Variants in SLC24A2 observed in about 807,000 individuals in gnomAD.
The protein encoded by SLC24A2 is sodium/potassium/calcium exchanger 2.
A neutral mutation model predicts 62.0 loss-of-function variants in SLC24A2; 36 were observed. The observed-to-expected ratio is 0.58, with a 90% CI of 0.44 to 0.77. The LOEUF (loss-of-function observed/expected upper bound fraction) is 0.77, where lower values mean the gene tolerates loss of function less well. Among genes scored for constraint, SLC24A2 ranks in the 30% least tolerant of loss-of-function variants. SLC24A2 has a pLI of 0.00. For synonymous variants in SLC24A2, 358 were observed against 294.0 expected (o/e 1.22, Z -2.23); for missense variants, 846 against 817.9 (o/e 1.03, Z -0.42).
At chr9:20,105,996 TA>T in the SLC24A2 span, among the ~76,000 whole-genome samples, 5 of 152,022 alleles carry the variant, frequency 3.3e-5, no homozygotes, top group Admixed American at 3.3e-4. Flanking sequence ...ATAGACGCAA[TA>T]AAAAATGATA....
chr9:19,947,855 G>A, the SLC24A2 span, among the ~76,000 whole-genome samples: 3 of 105,722 alleles, frequency 2.8e-5, no homozygotes, highest in East Asian at 8.7e-4. Context: ...AAAGAAATTA[G>A]TTCAATGTAT....
the SLC24A2 span, among the ~76,000 whole-genome samples, chr9:19,945,409 T>C: frequency 6.6e-6 from 1 of 152,100 alleles, no homozygotes; most frequent in East Asian, 1.9e-4. Context: ...TAAAAACAAT[T>C]ACCCAGTTCC....
At chr9:20,108,746 T>C in the SLC24A2 span, among the ~76,000 whole-genome samples, 16,857 of 151,640 alleles carry the variant, frequency 0.11, 996 homozygotes, top group Middle Eastern at 0.17. Flanking sequence ...ATACCTAATG[T>C]TAAATGATGA....
At chr9:19,965,895 T>C in the SLC24A2 span, among the ~76,000 whole-genome samples, 14 of 152,260 alleles carry the variant, frequency 9.2e-5, no homozygotes, top group African/African-American at 2.9e-4. Context: ...AAACTATGAG[T>C]AAAGACATAT....
At chr9:20,017,416 A>G in the SLC24A2 span, among the ~76,000 whole-genome samples, 1 of 152,174 alleles carries the variant, frequency 6.6e-6, no homozygotes, top group Non-Finnish European at 1.5e-5. Context: ...TTTATCATAT[A>G]TTATTAAGTT....
the SLC24A2 span, among the ~76,000 whole-genome samples, chr9:19,861,277 G>C: frequency 2.6e-5 from 4 of 152,148 alleles, no homozygotes; most frequent in Non-Finnish European, 4.4e-5. Flanking sequence ...AGTAAGAGAA[G>C]AAAACAAAAG....
the SLC24A2 span, among the ~76,000 whole-genome samples, chr9:20,049,809 T>G: frequency 1.3e-5 from 2 of 152,032 alleles, no homozygotes; most frequent in Admixed American, 1.3e-4. Context: ...CAGCAATCAC[T>G]GGGTAGAAGC....
At chr9:19,660,480 T>G (rs1467116282) in intron 2 of SLC24A2, among the ~76,000 whole-genome samples, 1 of 152,152 alleles carries the variant, frequency 6.6e-6, no homozygotes, top group Non-Finnish European at 1.5e-5. Context: ...GAGAAAGTTC[T>G]CAAAATATAG....
At chr9:19,696,453 C>T (rs911282795) in intron 2 of SLC24A2, among the ~76,000 whole-genome samples, 5 of 152,116 alleles carry the variant, frequency 3.3e-5, no homozygotes, top group South Asian at 2.1e-4. Flanking sequence ...TCACTCTGTA[C>T]GCCATGCTTG....
chr9:19,752,050 A>G (rs1822000385), intron 2 of SLC24A2, among the ~76,000 whole-genome samples: 1 of 152,184 alleles, frequency 6.6e-6, no homozygotes, highest in Non-Finnish European at 1.5e-5. Flanking sequence ...CACGTAGTCA[A>G]AAGGTTGTCA....
chr9:19,525,545 A>G (rs542041840), intron 9 of SLC24A2, among the ~76,000 whole-genome samples: 31 of 151,400 alleles, frequency 2.0e-4, no homozygotes, highest in Non-Finnish European at 4.6e-4. Context: ...CTGGGACTAC[A>G]GGCGTGTGCT....
At chr9:19,963,194 T>G in the SLC24A2 span, among the ~76,000 whole-genome samples, 3 of 129,156 alleles carry the variant, frequency 2.3e-5, no homozygotes, top group African/African-American at 8.0e-5. Context: ...GATCCCTTCC[T>G]TACACCTTAT....
the SLC24A2 span, among the ~76,000 whole-genome samples, chr9:19,803,582 C>T: frequency 2.0e-5 from 3 of 152,028 alleles, no homozygotes; most frequent in African/African-American, 4.8e-5. Flanking sequence ...CATATTCAAT[C>T]GCTTATGATT....
chr9:20,303,798 A>T, the SLC24A2 span, among the ~76,000 whole-genome samples: 1,697 of 152,322 alleles, frequency 0.011, 31 homozygotes, highest in Middle Eastern at 0.041. Context: ...TTAAGTAGGG[A>T]CAACCTAGCG....
the SLC24A2 span, among the ~76,000 whole-genome samples, chr9:19,938,937 A>T: frequency 6.6e-6 from 1 of 152,212 alleles, no homozygotes; most frequent in African/African-American, 2.4e-5. Flanking sequence ...AATCAACAAA[A>T]CCCAAAACTA....
chr9:19,960,572 G>C, the SLC24A2 span, among the ~76,000 whole-genome samples: 5 of 152,268 alleles, frequency 3.3e-5, no homozygotes, highest in East Asian at 7.7e-4. Flanking sequence ...CCATAAAATG[G>C]GGGTAATAAT....
At chr9:20,051,633 G>A in the SLC24A2 span, among the ~76,000 whole-genome samples, 1 of 94,488 alleles carries the variant, frequency 1.1e-5, no homozygotes, top group Non-Finnish European at 2.2e-5. Context: ...TTGTTACTGT[G>A]TTTCTGTGAG....
chr9:20,269,268 G>A, the SLC24A2 span, among the ~76,000 whole-genome samples: 1 of 152,214 alleles, frequency 6.6e-6, no homozygotes, highest in Non-Finnish European at 1.5e-5. Flanking sequence ...CTGGAGGGCA[G>A]GTGTTTTTAT....
the SLC24A2 span, among the ~76,000 whole-genome samples, chr9:20,301,227 T>C: frequency 6.6e-6 from 1 of 152,204 alleles, no homozygotes; most frequent in Non-Finnish European, 1.5e-5. Flanking sequence ...AAGTCCTACC[T>C]TCCAAGCAAG....
Sources: gnomAD v4.1 joint callset for allele counts (sites outside exome capture counted in the v4.1 genomes callset) on GRCh38, gnomAD v4.1.1 for gene constraint, MANE v1.5 for transcripts, NCBI Gene and HGNC (gene_info 2026-07-23, HGNC 2026-07-21) for gene names.